Variants in VDR observed in about 807,000 individuals in gnomAD.
VDR encodes vitamin D receptor, also known as vitamin D3 receptor.
VDR carries 19 observed loss-of-function variants against 39.7 expected under a neutral mutation model. The observed-to-expected ratio is 0.48, with a 90% CI of 0.33 to 0.70. VDR has a LOEUF of 0.70. Ranked by LOEUF, VDR falls within the 30% of genes least tolerant of loss-of-function variation. VDR has a pLI of 0.02. For synonymous variants in VDR, 242 were observed against 215.8 expected (o/e 1.12, Z -1.07); for missense variants, 442 against 570.5 (o/e 0.77, Z 2.29).
At chr12:47,891,808 T>C (rs1373277580) in intron 1 of VDR, among the ~76,000 whole-genome samples, 1 of 152,160 alleles carries the variant, frequency 6.6e-6, no homozygotes, top group African/African-American at 2.4e-5. Context: ...TGTACCTGCA[T>C]CTGTTCTCAC....
intron 3 of VDR, among the ~76,000 whole-genome samples, chr12:47,871,359 C>CTTTCTTTCTTTCT (rs1565622836): frequency 6.3e-5 from 2 of 31,750 alleles, no homozygotes; most frequent in Admixed American, 4.5e-4. Flanking sequence ...TCTTTCTTTC[C>CTTTCTTTCTTTCT]TTTCTCTCTC....
chr12:47,850,312 A>G (rs1160594672), intron 7 of VDR, among the ~76,000 whole-genome samples: 2 of 152,212 alleles, frequency 1.3e-5, no homozygotes, highest in Admixed American at 1.3e-4. Flanking sequence ...GCATGATGTT[A>G]CATCATAACA....
chr12:47,864,692 G>C (rs1049360442), intron 4 of VDR, among the ~76,000 whole-genome samples: 1 of 152,216 alleles, frequency 6.6e-6, no homozygotes, highest in South Asian at 2.1e-4. Flanking sequence ...ACAGGGAGCT[G>C]TGAAAAAAGA....
intron 1 of VDR, among the ~76,000 whole-genome samples, chr12:47,902,931 C>T (rs1225391445): frequency 6.6e-6 from 1 of 152,116 alleles, no homozygotes; most frequent in Non-Finnish European, 1.5e-5. Flanking sequence ...TGTAGGGGTT[C>T]AGGAGGTCCT....
chr12:47,897,488 G>A (rs1166897873), intron 1 of VDR, among the ~76,000 whole-genome samples: 1 of 152,182 alleles, frequency 6.6e-6, no homozygotes, highest in Non-Finnish European at 1.5e-5. Context: ...GGCACAGACT[G>A]GATAGGTAAT....
At chr12:47,888,441 A>T (rs1426915898) in intron 1 of VDR, among the ~76,000 whole-genome samples, 3 of 152,168 alleles carry the variant, frequency 2.0e-5, no homozygotes, top group African/African-American at 7.2e-5. Context: ...CAGAGTGGGG[A>T]GCCCATGAGG....
At chr12:47,876,939 G>A (rs1406140350) in intron 3 of VDR, among the ~76,000 whole-genome samples, 1 of 152,242 alleles carries the variant, frequency 6.6e-6, no homozygotes, top group Non-Finnish European at 1.5e-5. Context: ...AGGCCTAGGA[G>A]GAGAGAGTGG....
chr12:47,886,117 T>G (rs1395038633), intron 1 of VDR, among the ~76,000 whole-genome samples: 1 of 152,256 alleles, frequency 6.6e-6, no homozygotes, highest in Non-Finnish European at 1.5e-5. Context: ...AATGGAAAGC[T>G]AAGCTATTTC....
At chr12:47,877,508 A>G (rs1169205748) in intron 3 of VDR, among the ~76,000 whole-genome samples, 4 of 152,206 alleles carry the variant, frequency 2.6e-5, no homozygotes, top group Non-Finnish European at 5.9e-5. Flanking sequence ...TGTCAAGGAC[A>G]TCCATTTGAG....
intron 3 of VDR, 26 bp from the exon 4 acceptor site, chr12:47,865,203 C>G: frequency 6.2e-7 from 1 of 1,607,924 alleles, no homozygotes; most frequent in Non-Finnish European, 8.5e-7. Context: ...ACACCCTGCC[C>G]TGGGTCACTG....
At chr12:47,859,910 C>CTTT (rs1945582751) in intron 4 of VDR, among the ~76,000 whole-genome samples, 20 of 45,730 alleles carry the variant, frequency 4.4e-4, no homozygotes, top group African/African-American at 1.5e-3. Context: ...TCCTTCCTTC[C>CTTT]TTCCTTCTTT....
intron 4 of VDR, 51 bp from the exon 5 acceptor site, chr12:47,857,739 A>C (rs762850512): frequency 6.3e-7 from 1 of 1,599,582 alleles, no homozygotes; most frequent in Non-Finnish European, 8.5e-7. Context: ...CTCCTCCAGG[A>C]AACCTTCCTC....
intron 3 of VDR, among the ~76,000 whole-genome samples, chr12:47,869,394 G>T (rs1006422663): frequency 6.6e-6 from 1 of 152,050 alleles, no homozygotes; most frequent in African/African-American, 2.4e-5. Flanking sequence ...ACATTAGCCG[G>T]GCGTGTTGGC....
chr12:47,856,991 C>T (rs200214157), intron 6 of VDR, 138 bp downstream of exon 6: 58 of 1,343,312 alleles, frequency 4.3e-5, no homozygotes, highest in Admixed American at 2.9e-4. Flanking sequence ...GTTGTGAAGA[C>T]GCTGCATAGC....
At chr12:47,891,479 G>T (rs1331350375) in intron 1 of VDR, among the ~76,000 whole-genome samples, 1 of 152,150 alleles carries the variant, frequency 6.6e-6, no homozygotes, top group East Asian at 1.9e-4. Flanking sequence ...AGTCCCAAAA[G>T]CTCCACCCCA....
intron 1 of VDR, among the ~76,000 whole-genome samples, chr12:47,888,541 A>G (rs529939233): frequency 7.9e-5 from 12 of 152,140 alleles, no homozygotes; most frequent in South Asian, 6.2e-4. Flanking sequence ...CTTTTTTCCA[A>G]TGGAAACTCT....
Position 47,842,414 on chromosome 12 carries a change from C to T in VDR, c.*2332G>A, listed in dbSNP as rs1026291674. The T allele has an allele frequency of 2.0e-5, 3 of 152,356 alleles. No individual in the cohort carries two copies. The highest frequency in any genetic ancestry group is 7.2e-5 in the African/African-American group (3 of 41,428). The allele number at this position is 152,356 out of a possible 1,614,324, so 9.4% of individuals were successfully genotyped here. The stretch of plus-strand genomic sequence containing the variant: ...ATGAGAGTGGGGGTCTGAGCTCAAA[C>T]ATGGTGTAGTGAAAAGGACACCGGA... On this transcript the variant is annotated 3_prime_UTR_variant, in exon 10 of 10. Transcript: ENST00000549336.
At position 47,846,679 on chromosome 12, in the gene VDR, G is replaced by T. The variant is rs121909792; in HGVS notation, c.885C>A (p.Tyr295Ter). Reference sequence around the variant, plus strand: ...TACCTTTGGTCACGTCACTGACGCGGTACTTGTAGTCTTGGTTGCCACAGG... The same window carrying T: ...TACCTTTGGTCACGTCACTGACGCGTTACTTGTAGTCTTGGTTGCCACAGG... Reference protein sequence around the residue: ...SWTCGNQDYKYRVSDVTKAGH... With the variant: ...SWTCGNQDYK Residue 295 changes from tyrosine (Y) to a stop codon, truncating the protein, a stop_gained, in exon 8 of 10, where the codon TAC becomes TAA. Transcript: ENST00000549336. LOFTEE classifies it high-confidence loss of function. 2 of 1,613,998 alleles carry T rather than the reference G, an allele frequency of 1.2e-6. No individual in the cohort carries two copies. The highest frequency in any genetic ancestry group is 1.7e-4 in the Middle Eastern group (1 of 5,892).
chr12:47,868,503 A>G (rs2137173757), intron 3 of VDR, among the ~76,000 whole-genome samples: 1 of 152,286 alleles, frequency 6.6e-6, no homozygotes, highest in African/African-American at 2.4e-5. Context: ...GTTCACCTCT[A>G]TTTGTTTACT....
Sources: gnomAD v4.1 joint callset for allele counts (sites outside exome capture counted in the v4.1 genomes callset) on GRCh38, gnomAD v4.1.1 for gene constraint, MANE v1.5 for transcripts, NCBI Gene and HGNC (gene_info 2026-07-23, HGNC 2026-07-21) for gene names.